The following ODR4 variants were observed in gnomAD, a reference collection of about 807,000 sequenced individuals.
ODR4 encodes the protein odr-4 GPCR localization factor homolog, also known as protein odr-4 homolog.
In ODR4, 47 loss-of-function variants were observed where a neutral mutation model predicts 60.2. That is an observed-to-expected ratio of 0.78 (90% CI 0.62 to 1.00). ODR4 has a LOEUF of 1.00. ODR4 is among the 50% of genes least tolerant of loss of function. ODR4 has a pLI of 0.00. For missense variants in ODR4, 488 were observed against 530.8 expected, an observed-to-expected ratio of 0.92 and a Z score of 0.79; for synonymous variants, 178 against 175.5, an observed-to-expected ratio of 1.01 and a Z score of -0.11.
chr1:186,425,302 GT>G (rs1320286506), downstream of ODR4, among the ~76,000 whole-genome samples: 4 of 152,160 alleles, frequency 2.6e-5, no homozygotes, highest in Non-Finnish European at 5.9e-5. Context: ...ACGATGGTGA[GT>G]CAGGCAATAT....
intron 13 of ODR4, among the ~76,000 whole-genome samples, chr1:186,418,485 A>C (rs960026542): frequency 6.6e-6 from 1 of 151,612 alleles, no homozygotes; most frequent in Admixed American, 6.6e-5. Flanking sequence ...AGAGATGGGG[A>C]TTTTCTTTCT....
rs990733641 is a variant in ODR4 at position 186,417,394 on chromosome 1, T to C, written c.1187-150T>C. 3.5e-5 allele frequency: 22 copies of C among 619,984 alleles called. No homozygotes were observed. In the African/African-American group the frequency reaches 4.0e-4, roughly 11 times the overall value. 38.4% of individuals were successfully genotyped at this position (619,984 alleles called of 1,614,324 possible). On this transcript the variant is annotated intron_variant, in intron 12 of 13. Transcript: ENST00000287859. The stretch of plus-strand genomic sequence containing the variant: ...TCTATTAAATTTAATTCACCTACAA[T>C]TGATAATGAACAAATTCAGTATGTT...
chr1:186,391,781 T>C lies in ODR4; in HGVS notation c.701T>C (p.Leu234Ser). Residue 234 changes from leucine to serine, a missense_variant, in exon 8 of 14, where the codon TTA becomes TCA. Leu to Ser is a moderately radical substitution (Grantham distance 145). Transcript: ENST00000287859. Reference protein sequence around the residue: ...GQVKDEDCDLLEGQKKSSRGN... With the variant: ...GQVKDEDCDLSEGQKKSSRGN... Reference sequence around the variant, plus strand: ...GTTAAAGATGAAGATTGTGACCTATTAGAAGGACAGGTAAGTTAAGAGAAA... The same window carrying C: ...GTTAAAGATGAAGATTGTGACCTATCAGAAGGACAGGTAAGTTAAGAGAAA... 1 of 1,574,696 alleles carries C rather than the reference T, an allele frequency of 6.4e-7. No homozygotes were observed. Among genetic ancestry groups the C allele is most frequent in the South Asian group, 1.1e-5 (1 of 88,000 alleles).
chr1:186,413,143 A>G (rs1661434671), intron 12 of ODR4, among the ~76,000 whole-genome samples: 1 of 152,114 alleles, frequency 6.6e-6, no homozygotes, highest in Admixed American at 6.5e-5. Flanking sequence ...AAAGTCTGAA[A>G]TACAAAATGC....
At chr1:186,380,360 A>AT (rs1659976536) in intron 2 of ODR4, among the ~76,000 whole-genome samples, 1 of 152,064 alleles carries the variant, frequency 6.6e-6, no homozygotes, top group Admixed American at 6.6e-5. Context: ...ATCTTACTGA[A>AT]TTTTTTGTTG....
chr1:186,401,236 G>A, intron 11 of ODR4: 2 of 1,411,036 alleles, frequency 1.4e-6, no homozygotes, highest in Non-Finnish European at 2.0e-6. Flanking sequence ...CAGTTGTACT[G>A]TTTGTATGTT....
chr1:186,386,695 T>G (rs535419568), intron 4 of ODR4, among the ~76,000 whole-genome samples: 3 of 152,198 alleles, frequency 2.0e-5, no homozygotes, highest in Non-Finnish European at 2.9e-5. Context: ...ACAGTTTTTC[T>G]TATGCAATAG....
chr1:186,394,157 A>G (rs1200460717), intron 9 of ODR4, 142 bp downstream of exon 9: 3 of 567,134 alleles, frequency 5.3e-6, no homozygotes, highest in Non-Finnish European at 9.3e-6. Context: ...TAGGAAGGTT[A>G]TTCCCAAGAA....
At chr1:186,385,959 G>T in intron 3 of ODR4, 29 bp from the exon 4 acceptor site, 3 of 1,404,586 alleles carry the variant, frequency 2.1e-6, no homozygotes, top group Non-Finnish European at 3.0e-6. Context: ...ATGCCAATTT[G>T]TTAGCTAATA....
chr1:186,385,218 A>G (rs1189081800), intron 3 of ODR4, among the ~76,000 whole-genome samples: 1 of 151,274 alleles, frequency 6.6e-6, no homozygotes, highest in Non-Finnish European at 1.5e-5. Flanking sequence ...CAGTATCAGT[A>G]AGTGGGCTTA....
chr1:186,387,418 G>A (rs532793504), intron 4 of ODR4, among the ~76,000 whole-genome samples: 3 of 152,244 alleles, frequency 2.0e-5, no homozygotes, highest in African/African-American at 7.2e-5. Flanking sequence ...TGAATTGAGG[G>A]GGTTGAATGT....
chr1:186,394,072 T>C, intron 9 of ODR4, 57 bp downstream of exon 9: 2 of 998,256 alleles, frequency 2.0e-6, no homozygotes, highest in Non-Finnish European at 1.5e-6. Context: ...AATGAAACTG[T>C]TTCTGTTTTT....
chr1:186,434,367 A>G, the ODR4 span, among the ~76,000 whole-genome samples: 250 of 152,238 alleles, frequency 1.6e-3, 1 homozygote, highest in African/African-American at 5.7e-3. Context: ...GACAATATAT[A>G]CCTCATAACT....
At chr1:186,425,935 T>C (rs955259398), downstream of ODR4, among the ~76,000 whole-genome samples, 4 of 152,196 alleles carry the variant, frequency 2.6e-5, no homozygotes, top group Non-Finnish European at 4.4e-5. Flanking sequence ...ATTTCTCTCT[T>C]CTCCTGTTTG....
the ODR4 span, among the ~76,000 whole-genome samples, chr1:186,433,988 T>G: frequency 6.6e-6 from 1 of 152,182 alleles, no homozygotes; most frequent in Non-Finnish European, 1.5e-5. Flanking sequence ...TTCAAAGAAC[T>G]GCACTGAAAT....
At chr1:186,401,105 C>G in intron 11 of ODR4, 1 of 1,594,444 alleles carries the variant, frequency 6.3e-7, no homozygotes, top group Non-Finnish European at 8.6e-7. Flanking sequence ...TTAGTATACT[C>G]TTCTATTTAA....
At chr1:186,377,829 C>T (rs1438390853) in intron 1 of ODR4, among the ~76,000 whole-genome samples, 10 of 152,206 alleles carry the variant, frequency 6.6e-5, no homozygotes, top group South Asian at 2.1e-4. Context: ...GCAGATCACA[C>T]GGTCAGGAGA....
At chr1:186,390,234 A>G (rs1485497955) in intron 6 of ODR4, among the ~76,000 whole-genome samples, 2 of 152,214 alleles carry the variant, frequency 1.3e-5, no homozygotes, top group South Asian at 2.1e-4. Flanking sequence ...TGCCTATTAA[A>G]CAAGCTATGT....
At chr1:186,432,759 C>G in the ODR4 span, among the ~76,000 whole-genome samples, 1 of 151,496 alleles carries the variant, frequency 6.6e-6, no homozygotes, top group South Asian at 2.1e-4. Context: ...TCATAGCCAC[C>G]ACACCCCCTG....
Sources: allele counts gnomAD v4.1 joint callset (sites outside exome capture counted in the v4.1 genomes callset), GRCh38; gene constraint gnomAD v4.1.1; transcripts MANE v1.5; gene names NCBI Gene and HGNC (gene_info 2026-07-23, HGNC 2026-07-21).